RPRD2: variants seen among roughly 807,000 people sequenced by gnomAD.
RPRD2 encodes regulation of nuclear pre-mRNA domain-containing protein 2.
A neutral mutation model predicts 104.4 loss-of-function variants in RPRD2; 12 were observed. The observed-to-expected ratio is 0.11, with a 90% CI of 0.07 to 0.19. The LOEUF is 0.19. Among genes scored for constraint, RPRD2 ranks in the 10% least tolerant of loss-of-function variants. The pLI is 1.00. For synonymous variants in RPRD2, 714 were observed against 684.9 expected (o/e 1.04, Z -0.66); for missense variants, 1,543 against 1,790.1 (o/e 0.86, Z 2.49).
chr1:150,423,805 T>A (rs1553890105), intron 2 of RPRD2, among the ~76,000 whole-genome samples: 2 of 152,068 alleles, frequency 1.3e-5, no homozygotes, highest in African/African-American at 4.8e-5. Flanking sequence ...TTTTTTTTTT[T>A]TTTTGAGACA....
chr1:150,418,640 T>C (rs890886317), intron 2 of RPRD2, among the ~76,000 whole-genome samples: 4 of 152,210 alleles, frequency 2.6e-5, no homozygotes, highest in African/African-American at 9.6e-5. Context: ...ATACTACTTT[T>C]CCTTTCCTGA....
chr1:150,432,811 C>CT, intron 2 of RPRD2, among the ~76,000 whole-genome samples: 1 of 151,868 alleles, frequency 6.6e-6, no homozygotes, highest in South Asian at 2.1e-4. Flanking sequence ...GATTCCGTCT[C>CT]TAAAAAAACA....
At chr1:150,398,428 C>A (rs587678218) in intron 1 of RPRD2, among the ~76,000 whole-genome samples, 5 of 152,060 alleles carry the variant, frequency 3.3e-5, no homozygotes, top group Non-Finnish European at 5.9e-5. Context: ...GATCTCCTGA[C>A]CTCGTGATCT....
intron 10 of RPRD2, among the ~76,000 whole-genome samples, chr1:150,465,891 T>C (rs1200964797): frequency 6.7e-6 from 1 of 150,204 alleles, no homozygotes; most frequent in Non-Finnish European, 1.5e-5. Flanking sequence ...AAATAACATC[T>C]CTACTAAAAA....
intron 1 of RPRD2, among the ~76,000 whole-genome samples, chr1:150,367,837 C>G (rs782033075): frequency 6.6e-6 from 1 of 151,916 alleles, no homozygotes; most frequent in Non-Finnish European, 1.5e-5. Flanking sequence ...ATTCTCCTGC[C>G]TCAGCCTCCC....
chr1:150,445,271 CAT>C (rs1572490739), intron 6 of RPRD2, among the ~76,000 whole-genome samples: 1 of 152,188 alleles, frequency 6.6e-6, no homozygotes, highest in African/African-American at 2.4e-5. Flanking sequence ...TATTTTATCA[CAT>C]GAGAGATCTG....
intron 10 of RPRD2, among the ~76,000 whole-genome samples, chr1:150,469,519 C>T (rs1304455716): frequency 6.6e-6 from 1 of 152,140 alleles, no homozygotes. Context: ...TCAAGCCATC[C>T]TCCTGCCTCT....
chr1:150,385,486 T>A (rs1553881655), intron 1 of RPRD2, among the ~76,000 whole-genome samples: 1 of 152,128 alleles, frequency 6.6e-6, no homozygotes, highest in African/African-American at 2.4e-5. Context: ...AATAAATAAA[T>A]AAGTAGTTAA....
At chr1:150,432,444 T>TG (rs1665669641) in intron 2 of RPRD2, among the ~76,000 whole-genome samples, 1 of 151,784 alleles carries the variant, frequency 6.6e-6, no homozygotes, top group Non-Finnish European at 1.5e-5. Context: ...GTCCTTAATG[T>TG]GGTAGTATTA....
chr1:150,429,734 AGTT>A (rs1553891249), intron 2 of RPRD2, among the ~76,000 whole-genome samples: 1 of 152,254 alleles, frequency 6.6e-6, no homozygotes, highest in Non-Finnish European at 1.5e-5. Flanking sequence ...GTTTTGAAGA[AGTT>A]CTGTAGTCTA....
chr1:150,412,573 G>A (rs1553887875), intron 1 of RPRD2, among the ~76,000 whole-genome samples: 1 of 152,152 alleles, frequency 6.6e-6, no homozygotes, highest in African/African-American at 2.4e-5. Context: ...TGGCAATTGT[G>A]AGTAATTCAT....
intron 1 of RPRD2, among the ~76,000 whole-genome samples, chr1:150,386,048 A>G (rs2102153422): frequency 6.6e-6 from 1 of 152,346 alleles, no homozygotes; most frequent in South Asian, 2.1e-4. Context: ...GAGAGAAGAC[A>G]TTAAGGTAAG....
intron 1 of RPRD2, among the ~76,000 whole-genome samples, chr1:150,382,003 C>T (rs1427133515): frequency 6.6e-6 from 1 of 152,100 alleles, no homozygotes; most frequent in Non-Finnish European, 1.5e-5. Flanking sequence ...AAATAAGATG[C>T]TTCATATGAA....
chr1:150,433,593 C>T (rs1572466311), intron 2 of RPRD2, among the ~76,000 whole-genome samples: 1 of 149,070 alleles, frequency 6.7e-6, no homozygotes, highest in Non-Finnish European at 1.5e-5. Flanking sequence ...TACAGGCGCC[C>T]GCCACAACGC....
chr1:150,379,293 C>A (rs930936935), intron 1 of RPRD2, among the ~76,000 whole-genome samples: 15 of 151,296 alleles, frequency 9.9e-5, no homozygotes, highest in African/African-American at 3.6e-4. Context: ...AAAAAAAAAA[C>A]AAAAAGAAAG....
chr1:150,453,862 A>G (rs1667354213), intron 7 of RPRD2, among the ~76,000 whole-genome samples: 1 of 152,160 alleles, frequency 6.6e-6, no homozygotes, highest in Non-Finnish European at 1.5e-5. Flanking sequence ...TGCTAGGCAG[A>G]TATTGAGGCT....
At chr1:150,411,739 C>T (rs374773198) in intron 1 of RPRD2, among the ~76,000 whole-genome samples, 1 of 115,608 alleles carries the variant, frequency 8.6e-6, no homozygotes, top group African/African-American at 3.7e-5. Context: ...TGCAGTGAGC[C>T]AAGATCGCGC....
intron 1 of RPRD2, among the ~76,000 whole-genome samples, chr1:150,411,980 G>A (rs587665981): frequency 1.3e-5 from 2 of 151,436 alleles, no homozygotes; most frequent in East Asian, 2.0e-4. Context: ...AAAATTAGCC[G>A]GGCATGGTGG....
intron 2 of RPRD2, among the ~76,000 whole-genome samples, chr1:150,431,809 G>A (rs368096058): frequency 1.3e-4 from 20 of 151,922 alleles, no homozygotes; most frequent in African/African-American, 2.9e-4. Flanking sequence ...AATACATGCC[G>A]CAGCATGGGT....
Sources: gnomAD v4.1 joint callset for allele counts (sites outside exome capture counted in the v4.1 genomes callset) on GRCh38, gnomAD v4.1.1 for gene constraint, MANE v1.5 for transcripts, NCBI Gene and HGNC (gene_info 2026-07-23, HGNC 2026-07-21) for gene names.